The following ZNF516 variants were observed in gnomAD, a reference collection of about 807,000 sequenced individuals.
The protein encoded by ZNF516 is zinc finger protein 516.
In ZNF516, 19 loss-of-function variants were observed where a neutral mutation model predicts 79.7. The observed-to-expected ratio is 0.24, with a 90% CI of 0.17 to 0.35. ZNF516 has a LOEUF of 0.35. ZNF516 is among the 10% of genes least tolerant of loss of function. ZNF516 has a pLI of 1.00. For missense variants in ZNF516, 1,678 were observed against 1,679.5 expected, an observed-to-expected ratio of 1.00 and a Z score of 0.02; for synonymous variants, 877 against 739.5, an observed-to-expected ratio of 1.19 and a Z score of -3.02.
chr18:76,414,144 T>TA (rs374165386), intron 3 of ZNF516, among the ~76,000 whole-genome samples: 1 of 152,260 alleles, frequency 6.6e-6, no homozygotes, highest in African/African-American at 2.4e-5. Context: ...CCTATGTATT[T>TA]ACATTAAATT....
At chr18:76,455,265 C>T (rs904549296) in intron 2 of ZNF516, among the ~76,000 whole-genome samples, 1 of 152,198 alleles carries the variant, frequency 6.6e-6, no homozygotes, top group Non-Finnish European at 1.5e-5. Flanking sequence ...AGAACAGTCA[C>T]GGGTTTACGC....
rs539724418 is a variant in ZNF516 at position 76,480,159 on chromosome 18, TAA to T, written c.-272+14983_-272+14984del. Among the ~76,000 whole-genome samples the T allele has an allele frequency of 1.3e-3, 147 of 109,186 alleles. 2 individuals carry two copies. The highest frequency in any genetic ancestry group is 0.01 in the South Asian group (32 of 3,076). The allele number at this position is 109,186 out of a possible 152,430, so 71.6% of individuals were successfully genotyped here. On this transcript the variant is annotated intron_variant, in intron 1 of 6. Transcript: ENST00000443185. Reference sequence around the variant, plus strand: ...CACATGGGGCACTGAAGATTTTGTGTAAAAAAAAAAAAAAAAAAAAAAAGAAC... The same window carrying T: ...CACATGGGGCACTGAAGATTTTGTGTAAAAAAAAAAAAAAAAAAAAAGAAC...
In ZNF516 at chr18:76,358,085, CTT is replaced by C. The variant is rs775342248; in HGVS notation, c.*4411_*4412del. The C allele has an allele frequency of 2.6e-5, 4 of 152,210 alleles. No homozygotes were observed. Among genetic ancestry groups the C allele is most frequent in the Admixed American group, 1.3e-4 (2 of 15,286 alleles). The allele number at this position is 152,210 out of a possible 1,614,324, so 9.4% of individuals were successfully genotyped here. The stretch of plus-strand genomic sequence containing the variant: ...CTTCCATAAATAAAGAGCATTAACA[CTT>C]TGGTTTATGTTCAGCCAACAAAAAT... On this transcript the variant is annotated 3_prime_UTR_variant, in exon 7 of 7. Coordinates refer to ENST00000443185, the MANE Select transcript of ZNF516 (RefSeq NM_014643.4).
At chr18:76,466,468 C>T (rs908677049) in intron 1 of ZNF516, among the ~76,000 whole-genome samples, 2 of 152,268 alleles carry the variant, frequency 1.3e-5, no homozygotes, top group African/African-American at 4.8e-5. Flanking sequence ...GCTCACCAGG[C>T]TACCAGCATC....
intron 3 of ZNF516, chr18:76,385,786 C>CCCCG (rs2074981647): frequency 6.6e-6 from 1 of 151,458 alleles, no homozygotes; most frequent in Non-Finnish European, 1.5e-5. Flanking sequence ...GCCCCCCCCC[C>CCCCG]GGGAGCTGTA....
chr18:76,469,922 A>C (rs1282483056), intron 1 of ZNF516, among the ~76,000 whole-genome samples: 1 of 152,270 alleles, frequency 6.6e-6, no homozygotes, highest in Non-Finnish European at 1.5e-5. Flanking sequence ...AAATCATTTG[A>C]AATGCTTTAA....
At position 76,379,586 on chromosome 18, in the gene ZNF516, C is replaced by G; in HGVS notation, c.2528G>C (p.Gly843Ala). The G allele has an allele frequency of 6.2e-7, 1 of 1,613,646 alleles. No individual in the cohort carries two copies. The highest frequency in any genetic ancestry group is 8.5e-7 in the Non-Finnish European group (1 of 1,179,902). ...AGAGCCACTTTTGGACCCCGGCATCCCCCCTGGCACCTGAGTGCGGGTGAA... is the reference window on the plus strand; with the variant it reads ...AGAGCCACTTTTGGACCCCGGCATCGCCCCTGGCACCTGAGTGCGGGTGAA... ...ARFTRTQVPG[G>A]MPGSKSGSSP... The change falls in exon 4 of 7, where the codon GGG (glycine) becomes GCG (alanine). Residue 843 changes from glycine to alanine, a missense_variant. Transcript: ENST00000443185.
chr18:76,461,784 C>T (rs1043977826), intron 2 of ZNF516, among the ~76,000 whole-genome samples: 1 of 152,212 alleles, frequency 6.6e-6, no homozygotes, highest in African/African-American at 2.4e-5. Flanking sequence ...TGAGGCTTGT[C>T]GCCAACAGGC....
Position 76,442,505 on chromosome 18 carries a change from C to T in ZNF516, c.550G>A (p.Glu184Lys). ...VQCSFCKSQF[E>K]RKKDLELHVH... ...TGCAGCTCCAGGTCCTTCTTACGCT[C>T]GAACTGGCTCTTGCAGAAGGAGCAC... The change falls in exon 3 of 7, where the codon GAG becomes AAG. Residue 184 changes from glutamate to lysine, a missense_variant. By Grantham distance (56) the Glu-to-Lys change is moderately conservative. Around this residue, in one of 5 missense-constraint regions of ZNF516, gnomAD observed 279 missense variants for 254.1 expected, o/e 1.10. Transcript: ENST00000443185. The T allele has an allele frequency of 1.2e-6, 2 of 1,601,776 alleles. No individual in the cohort carries two copies. The highest frequency in any genetic ancestry group is 2.2e-5 in the East Asian group (1 of 44,852).
At chr18:76,433,651 C>T (rs1482147756) in intron 3 of ZNF516, among the ~76,000 whole-genome samples, 1 of 152,110 alleles carries the variant, frequency 6.6e-6, no homozygotes, top group Non-Finnish European at 1.5e-5. Flanking sequence ...AGCTGAAATG[C>T]ATATGGAGCT....
rs111600866 is a variant in ZNF516, at chr18:76,425,181, GA to G, written c.1810+16063del. Among the ~76,000 whole-genome samples, 360 of 144,676 alleles carry G rather than the reference GA, an allele frequency of 2.5e-3. 2 individuals are homozygous for G. The highest frequency in any genetic ancestry group is 0.022 in the East Asian group (110 of 5,006). The allele number at this position is 144,676 out of a possible 152,430, so 94.9% of individuals were successfully genotyped here. A position where few individuals can be genotyped will look rare whatever the true frequency, so the allele number is the denominator to read the frequency against. On this transcript the variant is annotated intron_variant, in intron 3 of 6. Coordinates refer to ENST00000443185, the MANE Select transcript of ZNF516 (RefSeq NM_014643.4). Reference sequence around the variant, plus strand: ...TTATACACCCATCTCTCAAAAAAAAGAAAAAAAAAAAGTGAGAGATCGCTTT... The same window carrying G: ...TTATACACCCATCTCTCAAAAAAAAGAAAAAAAAAAGTGAGAGATCGCTTT...
chr18:76,376,717 C>T (rs1360514850), intron 4 of ZNF516, among the ~76,000 whole-genome samples: 1 of 152,168 alleles, frequency 6.6e-6, no homozygotes, highest in Non-Finnish European at 1.5e-5. Context: ...GCTCAAAAGC[C>T]TTTAAAAACG....
At position 76,419,198 on chromosome 18, in the gene ZNF516, C is replaced by A. The variant is rs528316510; in HGVS notation, c.1810+22047G>T. 5.9e-5 allele frequency among the ~76,000 whole-genome samples: 9 copies of A among 152,336 alleles called. No individual in the cohort carries two copies. In the South Asian group the frequency reaches 1.9e-3, roughly 32 times the overall value. On this transcript the variant is annotated intron_variant, in intron 3 of 6. Transcript: ENST00000443185. ...GGATTGTCCAGGATTATACACGAGG[C>A]TGTATACACGTGGACAACAAAAGCT... is the stretch of plus-strand genomic sequence containing the variant.
rs569477891 is a variant in ZNF516, at chr18:76,371,495, G to A, written c.3336C>T (p.His1112=). The change falls in exon 5 of 7, where the codon CAC becomes CAT. Residue 1112 remains histidine, a synonymous_variant. Transcript: ENST00000443185. ...AGTGTGCCCGCATGTGGGCCCTGAG[G>A]TGGCCGGGCTGGTGGAAGCTCTTTC... ...ECGKSFHQPG[H]LRAHMRAHSV... The A allele has an allele frequency of 1.9e-6, 3 of 1,609,586 alleles. No individual in the cohort carries two copies. Among genetic ancestry groups the A allele is most frequent in the African/African-American group, 1.3e-5 (1 of 75,050 alleles).
At chr18:76,407,569 G>A (rs145383388) in intron 3 of ZNF516, among the ~76,000 whole-genome samples, 12 of 152,230 alleles carry the variant, frequency 7.9e-5, no homozygotes, top group African/African-American at 2.9e-4. Flanking sequence ...AGACAACACC[G>A]CCCTCTGAAC....
intron 4 of ZNF516, 38 bp downstream of exon 4, chr18:76,378,817 A>C (rs756143237): frequency 1.3e-6 from 2 of 1,585,518 alleles, no homozygotes; most frequent in African/African-American, 2.7e-5. Flanking sequence ...TCTGGGGGTC[A>C]CATGTGGCCT....
At chr18:76,456,542 G>C (rs1473181200) in intron 2 of ZNF516, among the ~76,000 whole-genome samples, 3 of 152,306 alleles carry the variant, frequency 2.0e-5, no homozygotes, top group African/African-American at 7.2e-5. Context: ...CAGAGCATCA[G>C]GACGCCCTCA....
rs1267997459 is a variant in ZNF516 at position 76,480,524 on chromosome 18, C to CACACAT, written c.-272+14619_-272+14620insATGTGT. ...ACACACACACACACACACACACACACATATATTTTTTTTTTTGAGACGGAG... is the reference window on the plus strand; with the variant it reads ...ACACACACACACACACACACACACACACACATATATATTTTTTTTTTTGAGACGGAG... On this transcript the variant is annotated intron_variant, in intron 1 of 6. Transcript: ENST00000443185. Among the ~76,000 whole-genome samples the CACACAT allele has an allele frequency of 1.5e-3, 171 of 116,456 alleles. No individual in the cohort carries two copies. In the Middle Eastern group the frequency reaches 0.017, roughly 12 times the overall value. 76.4% of individuals were successfully genotyped at this position (116,456 alleles called of 152,430 possible).
chr18:76,371,192 TTC>T (rs1196137009), intron 5 of ZNF516, among the ~76,000 whole-genome samples: 1 of 152,232 alleles, frequency 6.6e-6, no homozygotes, highest in Admixed American at 6.5e-5. Flanking sequence ...GCATATTCAT[TTC>T]TGAGGAGTCA....
Sources: gnomAD v4.1 joint callset for allele counts (sites outside exome capture counted in the v4.1 genomes callset) on GRCh38, gnomAD v4.1.1 for gene constraint, gnomAD v4.1.1 regional missense constraint, MANE v1.5 for transcripts, NCBI Gene and HGNC (gene_info 2026-07-23, HGNC 2026-07-21) for gene names.